DHX58: variants seen among roughly 807,000 people sequenced by gnomAD.
DHX58 encodes DExH-box helicase 58, also known as ATP-dependent RNA helicase DHX58.
Under a neutral mutation model 65.0 loss-of-function variants are expected in DHX58, and 51 were observed. The ratio of observed to expected loss-of-function variants is 0.78; its 90% CI spans 0.63 to 0.99. DHX58 has a LOEUF of 0.99. Ranked by LOEUF, DHX58 falls within the 50% of genes least tolerant of loss-of-function variation. The pLI, the probability that DHX58 is intolerant of heterozygous loss-of-function variation, is 0.00. For missense variants in DHX58, 773 were observed against 891.8 expected, an observed-to-expected ratio of 0.87 and a Z score of 1.70; for synonymous variants, 350 against 365.0, an observed-to-expected ratio of 0.96 and a Z score of 0.47.
intron 5 of DHX58, 22 bp from the exon 6 acceptor site, chr17:42,109,408 A>G: frequency 1.2e-6 from 2 of 1,602,278 alleles, no homozygotes; most frequent in Non-Finnish European, 1.7e-6. Context: ...AGAGGACTTT[A>G]CTGGAAAGGG....
At chr17:42,106,404 A>G (rs2054060636) in intron 8 of DHX58, among the ~76,000 whole-genome samples, 2 of 127,520 alleles carry the variant, frequency 1.6e-5, no homozygotes, top group Non-Finnish European at 3.2e-5. Context: ...GGAGGTTCTC[A>G]CAGCAATAGG....
Position 42,103,764 on chromosome 17 carries a change from C to A in DHX58, c.1598G>T (p.Arg533Leu), listed in dbSNP as rs150628573. 6.2e-7 allele frequency: 1 copy of A among 1,610,854 alleles called. No homozygotes were observed. The highest frequency in any genetic ancestry group is 2.2e-5 in the East Asian group (1 of 44,890). The part of the protein sequence containing the change: ...RDLQQAALTK[R>L]AAQAAQRENQ... ...CTCCCGCTGGGCTGCCTGGGCCGCC[C>A]GCTTGGTCAAGGCTGCCTGCTGCAG... is the stretch of plus-strand genomic sequence containing the variant. The change falls in exon 12 of 14, where the codon CGG becomes CTG. Residue 533 changes from arginine (R) to leucine (L), a missense_variant. By Grantham distance (102) the Arg-to-Leu change is moderately radical. Transcript: ENST00000251642.
intron 4 of DHX58, 118 bp from the exon 5 acceptor site, chr17:42,111,031 G>A: frequency 8.0e-7 from 1 of 1,247,428 alleles, no homozygotes; most frequent in Non-Finnish European, 1.1e-6. Context: ...ACCTGCAGCT[G>A]GTCCCAGGAT....
chr17:42,107,829 A>G (rs1176140068), intron 7 of DHX58, 34 bp from the exon 8 acceptor site: 1 of 1,541,012 alleles, frequency 6.5e-7, no homozygotes. Flanking sequence ...TGAGCAGCCC[A>G]CAGCCCCGCC....
chr17:42,110,559 C>T (rs1398114496), intron 5 of DHX58, among the ~76,000 whole-genome samples, 164 bp downstream of exon 5: 9 of 152,146 alleles, frequency 5.9e-5, no homozygotes, highest in African/African-American at 1.7e-4. Context: ...TTCTTTGTAC[C>T]ATAAGAAACC....
At position 42,107,585 on chromosome 17, in the gene DHX58, G is replaced by T. The variant is rs199548568; in HGVS notation, c.997+19C>A. 1,924 of 1,192,294 alleles carry T rather than the reference G, an allele frequency of 1.6e-3. 17 individuals carry two copies. The African/African-American group carries it at 0.023, about 14-fold the overall frequency. The allele number at this position is 1,192,294 out of a possible 1,614,324, so 73.9% of individuals were successfully genotyped here. A position where few individuals can be genotyped will look rare whatever the true frequency, so the allele number is the denominator to read the frequency against. ...AGGTCCCATCATCCCCGGCCCCGAA[G>T]CCCCCTCCCGCCCCTCACCATCGAA... On this transcript the variant is annotated intron_variant, in intron 8 of 13. Transcript: ENST00000251642.
chr17:42,109,283 T>C lies in DHX58; in HGVS notation c.665A>G (p.His222Arg). The C allele has an allele frequency of 6.2e-7, 1 of 1,611,912 alleles. No individual in the cohort carries two copies. Among genetic ancestry groups the C allele is most frequent in the Non-Finnish European group, 8.5e-7 (1 of 1,178,888 alleles). Residue 222 changes from histidine (H) to arginine (R), a missense_variant, in exon 6 of 14, where the codon CAC becomes CGC. His to Arg is a conservative substitution (Grantham distance 29). Coordinates refer to ENST00000251642, the MANE Select transcript of DHX58 (RefSeq NM_024119.3). ...QQPCKQYNLC[H>R]RRSQDPFGDL... ...GCCCCCGCGTACCTGGCTGCGCCTGTGGCAGAGGTTGTACTGTTTGCAAGG... is the reference window on the plus strand; with the variant it reads ...GCCCCCGCGTACCTGGCTGCGCCTGCGGCAGAGGTTGTACTGTTTGCAAGG...
intron 11 of DHX58, 24 bp downstream of exon 11, chr17:42,104,742 A>T (rs2054027934): frequency 6.2e-7 from 1 of 1,611,586 alleles, no homozygotes. Context: ...TCCCTCCCAC[A>T]GGGCATGCAG....
At chr17:42,111,267 A>G (rs2054147261) in intron 4 of DHX58, 29 bp downstream of exon 4, 2 of 1,601,228 alleles carry the variant, frequency 1.2e-6, no homozygotes, top group Non-Finnish European at 8.5e-7. Flanking sequence ...CCAGATGCGT[A>G]TCTTTTTCCT....
chr17:42,110,645 G>T, intron 5 of DHX58, 78 bp downstream of exon 5: 2 of 1,490,682 alleles, frequency 1.3e-6, no homozygotes, highest in Non-Finnish European at 1.8e-6. Context: ...TGGGGACGGG[G>T]TAGTGGCAGG....
Position 42,109,324 on chromosome 17 carries a change from C to T in DHX58, c.624G>A (p.Gln208=). 16 of 1,613,842 alleles carry T rather than the reference C, an allele frequency of 9.9e-6. No individual in the cohort carries two copies. The highest frequency in any genetic ancestry group is 1.4e-5 in the Non-Finnish European group (16 of 1,179,882). Residue 208 remains glutamine (Q), a synonymous_variant, in exon 6 of 14, where the codon CAG becomes CAA. Coordinates refer to ENST00000251642, the MANE Select transcript of DHX58 (RefSeq NM_024119.3). ...GTTTGCAAGGCTGTTGGCTGTGCTC[C>T]TGCAGCTGGGGGCAGCAGTTCTGGG... ...MSPQNCCPQL[Q]EHSQQPCKQY... is the part of the protein sequence containing the mutation.
chr17:42,108,307 G>A (rs546704490), intron 6 of DHX58, among the ~76,000 whole-genome samples, 199 bp from the exon 7 acceptor site: 3 of 152,318 alleles, frequency 2.0e-5, no homozygotes, highest in African/African-American at 7.2e-5. Context: ...TTACCCTTTG[G>A]CCTGGGCACG....
chr17:42,111,820 G>A lies in DHX58; in HGVS notation c.73C>T (p.Pro25Ser), dbSNP rs1555664393. The part of the protein sequence containing the change: ...LEGKNIIIWL[P>S]TGAGKTRAAA... ...GCCCGGGTCTTCCCGGCACCCGTGG[G>A]CAGCCAGATGATGATATTCTTGCCC... The change falls in exon 3 of 14, where the codon CCC becomes TCC. Residue 25 changes from proline (P) to serine (S), a missense_variant. Pro to Ser is a moderately conservative substitution (Grantham distance 74, BLOSUM62 -1). Transcript: ENST00000251642. 1 of 1,614,116 alleles carries A rather than the reference G, an allele frequency of 6.2e-7. No homozygotes were observed.
At chr17:42,109,828 G>A (rs1420074448) in intron 5 of DHX58, among the ~76,000 whole-genome samples, 2 of 151,482 alleles carry the variant, frequency 1.3e-5, no homozygotes, top group Non-Finnish European at 2.9e-5. Context: ...CCGGGAGGTG[G>A]AGGTTGCAGT....
chr17:42,111,230 G>C, intron 4 of DHX58, 66 bp downstream of exon 4: 1 of 1,556,482 alleles, frequency 6.4e-7, no homozygotes, highest in Non-Finnish European at 8.7e-7. Context: ...TCCAGGAGGT[G>C]CCCTGGGGTT....
chr17:42,105,548 C>A (rs1171727640), intron 9 of DHX58, among the ~76,000 whole-genome samples, 188 bp downstream of exon 9: 3 of 152,112 alleles, frequency 2.0e-5, no homozygotes, highest in Non-Finnish European at 4.4e-5. Flanking sequence ...CTGGGAGAGG[C>A]TCCAGCACTG....
intron 8 of DHX58, among the ~76,000 whole-genome samples, 170 bp downstream of exon 8, chr17:42,107,434 G>A (rs1255117767): frequency 6.6e-6 from 1 of 151,950 alleles, no homozygotes; most frequent in East Asian, 1.9e-4. Flanking sequence ...TCACAAATGA[G>A]GAAATAAATC....
Position 42,101,682 on chromosome 17 carries a change from C to T in DHX58, c.*79G>A. ...GGCCTGATGCCCACAGCTGATGATT[C>T]AGGAAGGAGGGGCCTGGAGTCTGCT... is the stretch of plus-strand genomic sequence containing the variant. On this transcript the variant is annotated 3_prime_UTR_variant, in exon 14 of 14. Transcript: ENST00000251642. The T allele has an allele frequency of 1.3e-6, 2 of 1,542,014 alleles. No individual in the cohort carries two copies. Among genetic ancestry groups the T allele is most frequent in the Non-Finnish European group, 1.8e-6 (2 of 1,136,576 alleles).
intron 11 of DHX58, among the ~76,000 whole-genome samples, chr17:42,104,058 T>C (rs2054017105): frequency 6.6e-6 from 1 of 152,038 alleles, no homozygotes; most frequent in Admixed American, 6.6e-5. Context: ...ACCCCATCTC[T>C]ACTGAAAATA....
Sources: gnomAD v4.1 joint callset for allele counts (sites outside exome capture counted in the v4.1 genomes callset) on GRCh38, gnomAD v4.1.1 for gene constraint, MANE v1.5 for transcripts, NCBI Gene and HGNC (gene_info 2026-07-23, HGNC 2026-07-21) for gene names.